The following ZSWIM6 variants were observed in gnomAD, a reference collection of about 807,000 sequenced individuals.
ZSWIM6 encodes zinc finger SWIM domain-containing protein 6.
Under a neutral mutation model 113.2 loss-of-function variants are expected in ZSWIM6, and 9 were observed. The observed-to-expected ratio is 0.08, with a 90% CI of 0.05 to 0.14. The LOEUF (loss-of-function observed/expected upper bound fraction) is 0.14, where lower values mean the gene tolerates loss of function less well. Among genes scored for constraint, ZSWIM6 ranks in the 10% least tolerant of loss-of-function variants. ZSWIM6 has a pLI of 1.00. For synonymous variants in ZSWIM6, 611 were observed against 606.5 expected (o/e 1.01, Z -0.11); for missense variants, 1,162 against 1,552.2 (o/e 0.75, Z 4.22).
At chr5:61,344,481 TC>T (rs1233180235) in intron 1 of ZSWIM6, among the ~76,000 whole-genome samples, 23 of 152,328 alleles carry the variant, frequency 1.5e-4, no homozygotes, top group Middle Eastern at 6.8e-3. Context: ...TTTCTTTCTT[TC>T]CTTTCTTCCC....
At chr5:61,431,662 C>G (rs898406155) in intron 1 of ZSWIM6, among the ~76,000 whole-genome samples, 2 of 107,536 alleles carry the variant, frequency 1.9e-5, no homozygotes, top group Non-Finnish European at 3.9e-5. Flanking sequence ...GGAGAATGGC[C>G]TGAACTCGGG....
intron 12 of ZSWIM6, 78 bp from the exon 13 acceptor site, chr5:61,541,806 C>G (rs1749745146): frequency 5.7e-6 from 7 of 1,224,264 alleles, no homozygotes; most frequent in Non-Finnish European, 8.2e-6. Context: ...CCTTATATGC[C>G]TTATAGTTTA....
At chr5:61,362,263 A>G (rs1745046325) in intron 1 of ZSWIM6, among the ~76,000 whole-genome samples, 1 of 150,952 alleles carries the variant, frequency 6.6e-6, no homozygotes, top group African/African-American at 2.4e-5. Flanking sequence ...CAATGGCCCC[A>G]TCTTGGCTCA....
chr5:61,490,031 ATTAC>A (rs1227864506), intron 2 of ZSWIM6, among the ~76,000 whole-genome samples: 1 of 151,944 alleles, frequency 6.6e-6, no homozygotes, highest in Admixed American at 6.6e-5. Flanking sequence ...TTTTTTTTGT[ATTAC>A]TTATGAATCT....
At chr5:61,395,886 CTT>C (rs1745826895) in intron 1 of ZSWIM6, among the ~76,000 whole-genome samples, 1 of 151,748 alleles carries the variant, frequency 6.6e-6, no homozygotes, top group African/African-American at 2.4e-5. Flanking sequence ...GGGCTGTTGA[CTT>C]TGAATACTTT....
intron 1 of ZSWIM6, among the ~76,000 whole-genome samples, chr5:61,365,415 C>T (rs1579955341): frequency 6.6e-6 from 1 of 152,036 alleles, no homozygotes; most frequent in South Asian, 2.1e-4. Flanking sequence ...ATGGCTGACA[C>T]CTTGAATTTT....
chr5:61,333,007 G>GA, intron 1 of ZSWIM6, 59 bp downstream of exon 1: 10 of 577,600 alleles, frequency 1.7e-5, no homozygotes, highest in Non-Finnish European at 2.4e-5. Flanking sequence ...GGTGGGGGGG[G>GA]GGTGCCCGCC....
At chr5:61,447,845 C>T (rs942816753) in intron 1 of ZSWIM6, among the ~76,000 whole-genome samples, 19 of 152,238 alleles carry the variant, frequency 1.2e-4, no homozygotes, top group African/African-American at 3.9e-4. Context: ...GGAGATCAGT[C>T]TCAAATCTAT....
chr5:61,376,327 G>A (rs1218346972), intron 1 of ZSWIM6, among the ~76,000 whole-genome samples: 3 of 145,664 alleles, frequency 2.1e-5, no homozygotes, highest in Non-Finnish European at 4.5e-5. Context: ...TATTTACCTG[G>A]GGAAGGAGCT....
intron 2 of ZSWIM6, among the ~76,000 whole-genome samples, chr5:61,475,041 T>G (rs1401978313): frequency 6.6e-6 from 1 of 152,226 alleles, no homozygotes. Context: ...AGTAGGCTTC[T>G]GCTCTGTCAT....
intron 4 of ZSWIM6, among the ~76,000 whole-genome samples, chr5:61,505,696 CT>C (rs1261882277): frequency 0.022 from 2,230 of 101,342 alleles, 173 homozygotes; most frequent in Non-Finnish European, 0.032. Flanking sequence ...CCCTCCCTCC[CT>C]TCCTTCCTCC....
At chr5:61,456,722 G>A (rs1747212023) in intron 1 of ZSWIM6, among the ~76,000 whole-genome samples, 1 of 152,168 alleles carries the variant, frequency 6.6e-6, no homozygotes, top group Admixed American at 6.5e-5. Flanking sequence ...AAGAATAAAT[G>A]TTAGGAGGAG....
intron 1 of ZSWIM6, among the ~76,000 whole-genome samples, chr5:61,427,274 A>G (rs189208963): frequency 6.6e-6 from 1 of 152,334 alleles, no homozygotes; most frequent in African/African-American, 2.4e-5. Flanking sequence ...TAAGTCCCTT[A>G]TATAAAATGG....
chr5:61,437,462 C>G (rs1418868313), intron 1 of ZSWIM6, among the ~76,000 whole-genome samples: 2 of 152,110 alleles, frequency 1.3e-5, no homozygotes, highest in Admixed American at 1.3e-4. Flanking sequence ...GTGGCTCACG[C>G]CTGTAGTCCT....
chr5:61,343,639 A>G (rs1361286832), intron 1 of ZSWIM6, among the ~76,000 whole-genome samples: 1 of 152,148 alleles, frequency 6.6e-6, no homozygotes, highest in Non-Finnish European at 1.5e-5. Flanking sequence ...CTTTGTTGGT[A>G]GAGGCCTGGT....
chr5:61,463,758 C>T (rs957083386), intron 1 of ZSWIM6, among the ~76,000 whole-genome samples: 1 of 152,244 alleles, frequency 6.6e-6, no homozygotes, highest in African/African-American at 2.4e-5. Flanking sequence ...GTATCCTGGG[C>T]TTGGGGCCAG....
rs567590533 is a variant in ZSWIM6, at chr5:61,406,141, T to C, written c.677-66540T>C. Reference sequence around the variant, plus strand: ...ATTAACACACAGGTACTTTGAACTTTATGTCTGCAGGTCTGTGTCATTTTG... The same window carrying C: ...ATTAACACACAGGTACTTTGAACTTCATGTCTGCAGGTCTGTGTCATTTTG... On this transcript the variant is annotated intron_variant, in intron 1 of 13. Coordinates refer to ENST00000252744, the MANE Select transcript of ZSWIM6 (RefSeq NM_020928.2). Among the ~76,000 whole-genome samples the C allele has an allele frequency of 3.3e-5, 5 of 152,334 alleles. No homozygotes were observed. The East Asian group carries it at 7.7e-4, about 24-fold the overall frequency.
chr5:61,519,075 TC>T (rs1749040319), intron 4 of ZSWIM6, among the ~76,000 whole-genome samples: 2 of 152,190 alleles, frequency 1.3e-5, no homozygotes, highest in South Asian at 4.1e-4. Context: ...TTTTTCTCTT[TC>T]CCCATTGCTT....
rs550325631 is a variant in ZSWIM6 at position 61,386,154 on chromosome 5, T to C, written c.676+53206T>C. ...CTCTCCTGCATACATTCCAAATTGA[T>C]GTTTCTCTGCCCTGGATATGCCATA... On this transcript the variant is annotated intron_variant, in intron 1 of 13. Transcript: ENST00000252744. Among the ~76,000 whole-genome samples, 13 of 152,386 alleles carry C rather than the reference T, an allele frequency of 8.5e-5. 1 individual carries two copies. The Middle Eastern group carries it at 0.01, about 120-fold the overall frequency.
Sources: allele counts gnomAD v4.1 joint callset (sites outside exome capture counted in the v4.1 genomes callset), GRCh38; gene constraint gnomAD v4.1.1; transcripts MANE v1.5; gene names NCBI Gene and HGNC (gene_info 2026-07-23, HGNC 2026-07-21).